MAST2: variants seen among roughly 807,000 people sequenced by gnomAD.
The protein encoded by MAST2 is microtubule associated serine/threonine kinase 2, also known as microtubule-associated serine/threonine-protein kinase 2.
A neutral mutation model predicts 147.4 loss-of-function variants in MAST2; 70 were observed. The observed-to-expected ratio is 0.47, with a 90% CI of 0.39 to 0.58. The LOEUF is 0.58. Among genes scored for constraint, MAST2 ranks in the 20% least tolerant of loss-of-function variants. The pLI, the probability that MAST2 is intolerant of heterozygous loss-of-function variation, is 0.00. For synonymous variants in MAST2, 869 were observed against 896.8 expected (o/e 0.97, Z 0.55); for missense variants, 2,080 against 2,302.3 (o/e 0.90, Z 1.98).
chr1:45,973,609 C>T (rs938773741), intron 5 of MAST2, among the ~76,000 whole-genome samples: 10 of 152,148 alleles, frequency 6.6e-5, no homozygotes, highest in African/African-American at 2.4e-4. Context: ...ATGTCATCAC[C>T]TAGGGAGTGA....
At chr1:45,951,094 A>G (rs771302107) in intron 4 of MAST2, among the ~76,000 whole-genome samples, 6 of 151,466 alleles carry the variant, frequency 4.0e-5, no homozygotes, top group Non-Finnish European at 8.8e-5. Context: ...ATGGTGGTGC[A>G]TGCTTGTTTT....
intron 5 of MAST2, among the ~76,000 whole-genome samples, chr1:45,961,398 T>G (rs1660397358): frequency 6.6e-6 from 1 of 152,242 alleles, no homozygotes; most frequent in South Asian, 2.1e-4. Context: ...ATGTGAGTAC[T>G]GAGCAGTAGT....
At chr1:46,027,884 C>G (rs1326480581) in intron 17 of MAST2, 21 bp downstream of exon 17, 1 of 1,613,076 alleles carries the variant, frequency 6.2e-7, no homozygotes, top group Non-Finnish European at 8.5e-7. Context: ...GTAGTTGATA[C>G]ACTGGGGGTT....
Position 46,029,945 on chromosome 1 carries a change from A to G in MAST2, c.2435A>G (p.Tyr812Cys), listed in dbSNP as rs1208246405. Reference sequence around the variant, plus strand: ...TTGGAGTCAGAGGATGATACTAGCTATTTTGACAGTAAGGCCACCGATGGG... The same window carrying G: ...TTGGAGTCAGAGGATGATACTAGCTGTTTTGACAGTAAGGCCACCGATGGG... Reference protein sequence around the residue: ...PQLESEDDTSYFDTRSERYHH... With the variant: ...PQLESEDDTSCFDTRSERYHH... Residue 812 changes from tyrosine (Y) to cysteine (C), a missense_variant, in exon 20 of 29, where the codon TAT becomes TGT. Physicochemically the swap from Tyr to Cys is radical, Grantham distance 194. Around this residue, in one of 4 missense-constraint regions of MAST2, gnomAD observed 1,278 missense variants for 1,304.2 expected, o/e 0.98. Coordinates refer to ENST00000361297, the MANE Select transcript of MAST2 (RefSeq NM_015112.3). The G allele has an allele frequency of 1.2e-6, 2 of 1,614,100 alleles. No homozygotes were observed. Among genetic ancestry groups the G allele is most frequent in the Admixed American group, 3.3e-5 (2 of 60,018 alleles).
At chr1:45,875,752 G>C (rs1311753769) in intron 3 of MAST2, among the ~76,000 whole-genome samples, 2 of 152,080 alleles carry the variant, frequency 1.3e-5, no homozygotes, top group African/African-American at 2.4e-5. Context: ...GGGTTTGGTG[G>C]TACCATCATC....
intron 4 of MAST2, among the ~76,000 whole-genome samples, chr1:45,934,466 C>T (rs962948598): frequency 9.9e-5 from 15 of 151,828 alleles, no homozygotes; most frequent in African/African-American, 3.6e-4. Flanking sequence ...AGCTCTGTTG[C>T]CTAGGCTTGA....
At chr1:45,847,552 A>G (rs1467802629) in intron 3 of MAST2, 3 of 819,890 alleles carry the variant, frequency 3.7e-6, no homozygotes, top group African/African-American at 1.7e-5. Flanking sequence ...TTTCTACTAT[A>G]TGGATGAATG....
At chr1:45,812,056 C>T (rs893124104) in intron 1 of MAST2, among the ~76,000 whole-genome samples, 2 of 152,136 alleles carry the variant, frequency 1.3e-5, no homozygotes, top group African/African-American at 4.8e-5. Context: ...AGGTGTGAGC[C>T]ACCGCGCGCG....
At chr1:46,025,527 C>A in intron 15 of MAST2, 150 bp from the exon 16 acceptor site, 1 of 884,716 alleles carries the variant, frequency 1.1e-6, no homozygotes, top group Non-Finnish European at 1.7e-6. Context: ...CCACCCATGC[C>A]AGCAGCAAAG....
intron 4 of MAST2, among the ~76,000 whole-genome samples, chr1:45,937,087 ATAT>A (rs1341025695): frequency 7.5e-6 from 1 of 133,466 alleles, no homozygotes; most frequent in Admixed American, 7.7e-5. Context: ...ATTTATTCTA[ATAT>A]TATTTGTTTG....
Position 46,026,561 on chromosome 1 carries a change from G to A in MAST2, c.1919+746G>A, listed in dbSNP as rs75416932. 6.7e-3 allele frequency among the ~76,000 whole-genome samples: 1,013 copies of A among 152,228 alleles called. 12 individuals carry two copies. Among genetic ancestry groups the A allele is most frequent in the African/African-American group, 0.023 (974 of 41,506 alleles). On this transcript the variant is annotated intron_variant, in intron 16 of 28. Transcript: ENST00000361297. ...TCAGGTTTAGAAAGCTCACTCTGCC[G>A]GTGAAAAGAGACACTGAGACCACTG...
At chr1:45,816,317 T>C (rs1644453546) in intron 1 of MAST2, among the ~76,000 whole-genome samples, 1 of 152,014 alleles carries the variant, frequency 6.6e-6, no homozygotes, top group Non-Finnish European at 1.5e-5. Context: ...TCGCAAAGGC[T>C]ACAATGTATA....
intron 1 of MAST2, among the ~76,000 whole-genome samples, chr1:45,814,775 G>A (rs908380104): frequency 2.6e-5 from 4 of 152,158 alleles, no homozygotes; most frequent in Non-Finnish European, 4.4e-5. Context: ...CGACAAGAGC[G>A]AAACTCTATC....
At chr1:45,891,175 T>C (rs1647708137) in intron 4 of MAST2, among the ~76,000 whole-genome samples, 1 of 152,152 alleles carries the variant, frequency 6.6e-6, no homozygotes, top group South Asian at 2.1e-4. Context: ...TGTACAGAAT[T>C]GATCAGCATG....
At chr1:46,016,958 T>C (rs560770956) in intron 10 of MAST2, among the ~76,000 whole-genome samples, 2 of 151,988 alleles carry the variant, frequency 1.3e-5, no homozygotes, top group African/African-American at 4.8e-5. Flanking sequence ...AACAGCATGG[T>C]ACTGGTACCA....
At chr1:46,029,338 C>G (rs1236378025) in intron 18 of MAST2, 128 bp from the exon 19 acceptor site, 1 of 681,722 alleles carries the variant, frequency 1.5e-6, no homozygotes, top group Admixed American at 2.9e-5. Context: ...GGGTCCCAGG[C>G]AAGGCTTTCA....
intron 4 of MAST2, among the ~76,000 whole-genome samples, chr1:45,917,166 C>T (rs1157182841): frequency 6.6e-6 from 1 of 152,174 alleles, no homozygotes; most frequent in Non-Finnish European, 1.5e-5. Flanking sequence ...AAGTTTTTGT[C>T]TCTGTTGTCA....
chr1:45,947,080 T>C (rs1394251635), intron 4 of MAST2, among the ~76,000 whole-genome samples: 1 of 152,194 alleles, frequency 6.6e-6, no homozygotes, highest in Non-Finnish European at 1.5e-5. Flanking sequence ...AATGTTATTA[T>C]TTTATCTTGA....
intron 1 of MAST2, among the ~76,000 whole-genome samples, chr1:45,816,113 C>G (rs1485481093): frequency 6.6e-6 from 1 of 151,708 alleles, no homozygotes. Flanking sequence ...TTCCCAAGCA[C>G]AGATAGGAGA....
Sources: allele counts gnomAD v4.1 joint callset (sites outside exome capture counted in the v4.1 genomes callset), GRCh38; gene constraint gnomAD v4.1.1; regional missense constraint gnomAD v4.1.1; transcripts MANE v1.5; gene names NCBI Gene and HGNC (gene_info 2026-07-23, HGNC 2026-07-21).